Variants in FBXO10 observed in about 807,000 individuals in gnomAD.
The protein encoded by FBXO10 is F-box only protein 10.
A neutral mutation model predicts 80.7 loss-of-function variants in FBXO10; 39 were observed. That is an observed-to-expected ratio of 0.48 (90% CI 0.37 to 0.63). The LOEUF is 0.63. FBXO10 is among the 30% of genes least tolerant of loss of function. The probability of loss-of-function intolerance (pLI) is 0.00; values close to 1 mark genes in which losing one functional copy is unlikely to be tolerated. For missense variants in FBXO10, 1,025 were observed against 1,269.0 expected (o/e 0.81, Z 2.92); for synonymous variants, 449 against 489.6 (o/e 0.92, Z 1.09).
rs760532460 is a variant in FBXO10, at chr9:37,515,908, T to TC, written c.2691dup (p.Lys898GlufsTer4). On this transcript the variant is annotated frameshift_variant, in exon 10 of 11. Coordinates refer to ENST00000432825, the MANE Select transcript of FBXO10 (RefSeq NM_012166.3). LOFTEE classifies it high-confidence loss of function. The stretch of plus-strand genomic sequence containing the variant: ...CAGGCAACCCCAAGCACTCACTTTT[T>TC]CTTGAAGACCAGGAACTTGTTGTTT... 149 of 1,613,208 alleles carry TC rather than the reference T, an allele frequency of 9.2e-5. No individual in the cohort carries two copies. Among genetic ancestry groups the TC allele is most frequent in the Non-Finnish European group, 1.3e-5 (15 of 1,179,580 alleles).
intron 1 of FBXO10, among the ~76,000 whole-genome samples, chr9:37,558,202 A>C (rs1001363453): frequency 1.3e-5 from 2 of 152,206 alleles, no homozygotes; most frequent in Non-Finnish European, 2.9e-5. Flanking sequence ...ATCAGCTAAC[A>C]CTAAAGGAAC....
At position 37,512,614 on chromosome 9, in the gene FBXO10, G is replaced by T. The variant is rs780753449; in HGVS notation, c.2804C>A (p.Thr935Lys). 3 of 1,613,950 alleles carry T rather than the reference G, an allele frequency of 1.9e-6. No homozygotes were observed. The South Asian group carries it at 3.3e-5, about 18-fold the overall frequency. ...ACCTTCCACCCGGGCTGTGATCCTC[G>T]TTGCCATGGCTGTCACCTTCTGCCC... is the stretch of plus-strand genomic sequence containing the variant. ...HNGQKVTAMATRITARVEGGY... is the reference protein window; with the variant it reads ...HNGQKVTAMAKRITARVEGGY... Residue 935 changes from threonine (T) to lysine (K), a missense_variant, in exon 11 of 11, where the codon ACG (threonine) becomes AAG (lysine). By Grantham distance (78) the Thr-to-Lys change is moderately conservative (BLOSUM62 -1). This residue lies in a region of FBXO10 where 97 missense variants were observed against 101.8 expected (regional missense o/e 0.95). Coordinates refer to ENST00000432825, the MANE Select transcript of FBXO10 (RefSeq NM_012166.3).
rs1821363718 is a variant in FBXO10, at chr9:37,522,260, T to C, written c.1931-422A>G. 1.3e-5 allele frequency: 10 copies of C among 761,940 alleles called. 1 individual carries two copies. The South Asian group carries it at 5.7e-4, about 43-fold the overall frequency. The allele number at this position is 761,940 out of a possible 1,614,324, so 47.2% of individuals were successfully genotyped here. ...TCTGTCCCTCAGTTTTCTCATCTTT[T>C]AAATGGGGTTAATAACCGTGCCTCC... is the stretch of plus-strand genomic sequence containing the variant. On this transcript the variant is annotated intron_variant, in intron 7 of 10. Transcript: ENST00000432825.
Position 37,521,712 on chromosome 9 carries a change from G to C in FBXO10, c.2057C>G (p.Pro686Arg), listed in dbSNP as rs748932686. Residue 686 changes from proline (P) to arginine (R), a missense_variant, in exon 8 of 11, where the codon CCT becomes CGT. By Grantham distance (103) the Pro-to-Arg change is moderately radical (BLOSUM62 -2). Coordinates refer to ENST00000432825, the MANE Select transcript of FBXO10 (RefSeq NM_012166.3). ...FSQKDGSSEL[P>R]RGHRAQENFS... ...GTTCTCTTGAGCCCTGTGGCCTCGA[G>C]GTAACTCGCTGGAGCCATCCTTCTG... The C allele has an allele frequency of 1.2e-6, 2 of 1,613,820 alleles. No individual in the cohort carries two copies. Among genetic ancestry groups the C allele is most frequent in the Non-Finnish European group, 1.7e-6 (2 of 1,179,880 alleles).
chr9:37,544,248 A>G (rs1821995896), intron 1 of FBXO10, among the ~76,000 whole-genome samples: 1 of 152,132 alleles, frequency 6.6e-6, no homozygotes, highest in Non-Finnish European at 1.5e-5. Context: ...CAGCCTGGGC[A>G]ACAGAGCGGG....
At chr9:37,556,600 G>C (rs1003781895) in intron 1 of FBXO10, among the ~76,000 whole-genome samples, 3 of 132,760 alleles carry the variant, frequency 2.3e-5, no homozygotes, top group Non-Finnish European at 4.6e-5. Flanking sequence ...CTGGAGTGCA[G>C]TGGCACAATC....
chr9:37,570,564 C>T (rs891845646), intron 1 of FBXO10, among the ~76,000 whole-genome samples: 1 of 151,972 alleles, frequency 6.6e-6, no homozygotes, highest in Non-Finnish European at 1.5e-5. Context: ...ATTATGAAGA[C>T]TATCACTGAT....
chr9:37,552,298 T>C (rs572970439), intron 1 of FBXO10, among the ~76,000 whole-genome samples: 24 of 152,358 alleles, frequency 1.6e-4, no homozygotes, highest in African/African-American at 5.8e-4. Flanking sequence ...GTATTTGTTA[T>C]AGCAACACCC....
At chr9:37,571,291 T>C (rs569746532) in intron 1 of FBXO10, among the ~76,000 whole-genome samples, 6 of 152,154 alleles carry the variant, frequency 3.9e-5, no homozygotes, top group Non-Finnish European at 7.4e-5. Flanking sequence ...GCAGCAAGGG[T>C]TGTAATTTGT....
chr9:37,535,828 C>G (rs893808763), intron 3 of FBXO10, among the ~76,000 whole-genome samples: 2 of 152,194 alleles, frequency 1.3e-5, no homozygotes, highest in African/African-American at 4.8e-5. Context: ...TGGGCCTTCA[C>G]ACACACCTCC....
At chr9:37,571,157 C>T (rs1052955234) in intron 1 of FBXO10, among the ~76,000 whole-genome samples, 1 of 152,032 alleles carries the variant, frequency 6.6e-6, no homozygotes, top group South Asian at 2.1e-4. Flanking sequence ...GAAAACACAC[C>T]TGCGAGCCCA....
chr9:37,521,697 G>C lies in FBXO10; in HGVS notation c.2072C>G (p.Ala691Gly), dbSNP rs1821350209. The change falls in exon 8 of 11, where the codon GCT (alanine) becomes GGT (glycine). Residue 691 changes from alanine (A) to glycine (G), a missense_variant. Physicochemically the swap from Ala to Gly is moderately conservative, Grantham distance 60 (BLOSUM62 0). Transcript: ENST00000432825. Reference protein sequence around the residue: ...GSSELPRGHRAQENFSEDGDA... With the variant: ...GSSELPRGHRGQENFSEDGDA... ...CCCATCCTCGCTGAAGTTCTCTTGA[G>C]CCCTGTGGCCTCGAGGTAACTCGCT... 6.2e-7 allele frequency: 1 copy of C among 1,613,814 alleles called. No homozygotes were observed. The highest frequency in any genetic ancestry group is 8.5e-7 in the Non-Finnish European group (1 of 1,179,894).
intron 2 of FBXO10, among the ~76,000 whole-genome samples, chr9:37,539,070 C>T (rs948796472): frequency 1.1e-4 from 16 of 152,162 alleles, no homozygotes; most frequent in Non-Finnish European, 1.5e-5. Context: ...ATACATATTT[C>T]ATCAGATGTA....
chr9:37,565,380 G>C (rs188797497), intron 1 of FBXO10, among the ~76,000 whole-genome samples: 105 of 152,276 alleles, frequency 6.9e-4, no homozygotes, highest in South Asian at 5.2e-3. Context: ...CAATAATAAT[G>C]GAAGACAACA....
chr9:37,539,067 T>C (rs1821852811), intron 2 of FBXO10, among the ~76,000 whole-genome samples: 1 of 152,212 alleles, frequency 6.6e-6, no homozygotes, highest in Non-Finnish European at 1.5e-5. Context: ...TTTATACATA[T>C]TTCATCAGAT....
At chr9:37,538,800 G>C (rs1056220488) in intron 2 of FBXO10, among the ~76,000 whole-genome samples, 1 of 151,256 alleles carries the variant, frequency 6.6e-6, no homozygotes, top group Non-Finnish European at 1.5e-5. Context: ...CAGTTTCCTT[G>C]TCTGCAGCAT....
chr9:37,573,601 G>GT (rs1822815477), intron 1 of FBXO10, among the ~76,000 whole-genome samples: 2 of 152,200 alleles, frequency 1.3e-5, no homozygotes, highest in South Asian at 4.1e-4. Context: ...GAGAGTGACA[G>GT]TAAGACTGAC....
chr9:37,555,495 C>T (rs1408254901), intron 1 of FBXO10, among the ~76,000 whole-genome samples: 1 of 152,060 alleles, frequency 6.6e-6, no homozygotes, highest in Non-Finnish European at 1.5e-5. Context: ...ATTCTCCTGC[C>T]TCAGCCTCCC....
intron 3 of FBXO10, among the ~76,000 whole-genome samples, chr9:37,534,330 A>G (rs1821701839): frequency 6.6e-6 from 1 of 152,232 alleles, no homozygotes; most frequent in Admixed American, 6.5e-5. Flanking sequence ...GGTGGAACCC[A>G]TCAGAGCTGA....
Sources: gnomAD v4.1 joint callset for allele counts (sites outside exome capture counted in the v4.1 genomes callset) on GRCh38, gnomAD v4.1.1 for gene constraint, gnomAD v4.1.1 regional missense constraint, MANE v1.5 for transcripts, NCBI Gene and HGNC (gene_info 2026-07-23, HGNC 2026-07-21) for gene names.